Variants in FAT3 observed in about 807,000 individuals in gnomAD.
FAT3 encodes FAT atypical cadherin 3.
In FAT3, 95 loss-of-function variants were observed where a neutral mutation model predicts 310.2. The observed-to-expected ratio is 0.31, with a 90% CI of 0.26 to 0.36. FAT3 has a LOEUF of 0.36. Ranked by LOEUF, FAT3 falls within the 10% of genes least tolerant of loss-of-function variation. The pLI, the probability that FAT3 is intolerant of heterozygous loss-of-function variation, is 1.00. For missense variants in FAT3, 5,408 were observed against 5,715.6 expected (o/e 0.95, Z 1.74); for synonymous variants, 2,314 against 2,192.9 (o/e 1.06, Z -1.54).
chr11:92,467,372 T>A (rs1951791251), intron 2 of FAT3, among the ~76,000 whole-genome samples: 1 of 152,152 alleles, frequency 6.6e-6, no homozygotes, highest in African/African-American at 2.4e-5. Flanking sequence ...TGCATAAATA[T>A]CTTTTGACAT....
chr11:92,246,273 A>C lies in FAT3; in HGVS notation c.-18+21099A>C, dbSNP rs140291975. Among the ~76,000 whole-genome samples the C allele has an allele frequency of 4.2e-4, 64 of 152,240 alleles. No individual in the cohort carries two copies. In the East Asian group the frequency reaches 9.7e-3, roughly 23 times the overall value. On this transcript the variant is annotated intron_variant, in intron 1 of 27. Coordinates refer to ENST00000525166, the MANE Select transcript of FAT3 (RefSeq NM_001367949.2). ...AAGGTTTTTAAGAGGCTACGAGGAA[A>C]ACAAATATGCATGTAGGCAGAGAGG...
At chr11:92,324,396 T>G (rs542543281) in intron 1 of FAT3, among the ~76,000 whole-genome samples, 1 of 152,274 alleles carries the variant, frequency 6.6e-6, no homozygotes, top group African/African-American at 2.4e-5. Context: ...TAGAGGACAT[T>G]GTAGGGTTAT....
chr11:92,680,102 T>A (rs1943431673), intron 3 of FAT3, among the ~76,000 whole-genome samples: 1 of 151,860 alleles, frequency 6.6e-6, no homozygotes, highest in Non-Finnish European at 1.5e-5. Flanking sequence ...AATTTTTTAG[T>A]GTGATTAAGT....
chr11:92,527,759 T>C (rs951119528), intron 3 of FAT3, among the ~76,000 whole-genome samples: 1 of 151,988 alleles, frequency 6.6e-6, no homozygotes, highest in Non-Finnish European at 1.5e-5. Flanking sequence ...TTGTCTGAAA[T>C]AGTTACATCA....
Position 92,880,713 on chromosome 11 carries a change from G to A in FAT3, c.12128-18G>A, listed in dbSNP as rs1949654338. On this transcript the variant is annotated intron_variant, in intron 22 of 27. Coordinates refer to ENST00000525166, the MANE Select transcript of FAT3 (RefSeq NM_001367949.2). ...TAGCAGTGGCATCCATGGCTCATGA[G>A]GTCCTCTGTTTCCCCAGGCTATCAG... The A allele has an allele frequency of 1.2e-6, 2 of 1,608,866 alleles. No homozygotes were observed. The highest frequency in any genetic ancestry group is 1.7e-6 in the Non-Finnish European group (2 of 1,177,688).
At chr11:92,358,762 T>G (rs988781016) in intron 2 of FAT3, among the ~76,000 whole-genome samples, 7 of 152,138 alleles carry the variant, frequency 4.6e-5, no homozygotes, top group African/African-American at 1.7e-4. Flanking sequence ...TGCCACTGAA[T>G]TTTTACTACT....
chr11:92,692,766 T>C (rs1338353751), intron 3 of FAT3, among the ~76,000 whole-genome samples: 2 of 152,192 alleles, frequency 1.3e-5, no homozygotes, highest in African/African-American at 4.8e-5. Flanking sequence ...AAAGAATTAA[T>C]TGTCGCTCAC....
chr11:92,818,438 T>C (rs1355517011), intron 13 of FAT3, among the ~76,000 whole-genome samples: 4 of 152,304 alleles, frequency 2.6e-5, no homozygotes, highest in Admixed American at 2.6e-4. Context: ...GTGTCTTCCA[T>C]AGTGGAGGCA....
rs139846825 is a variant in FAT3 at position 92,318,200 on chromosome 11, T to A, written c.-17-33896T>A. Reference sequence around the variant, plus strand: ...GTAGCAGCCTTGATATCCTATCCCATAGAGACCTAGTGGTGAAGCAGGAAG... The same window carrying A: ...GTAGCAGCCTTGATATCCTATCCCAAAGAGACCTAGTGGTGAAGCAGGAAG... On this transcript the variant is annotated intron_variant, in intron 1 of 27. Coordinates refer to ENST00000525166, the MANE Select transcript of FAT3 (RefSeq NM_001367949.2). Among the ~76,000 whole-genome samples the A allele has an allele frequency of 7.9e-3, 1,199 of 152,152 alleles. 9 individuals are homozygous for A. Among genetic ancestry groups the A allele is most frequent in the Middle Eastern group, 0.024 (7 of 294 alleles).
At chr11:92,503,797 A>G (rs964867217) in intron 2 of FAT3, among the ~76,000 whole-genome samples, 11 of 152,152 alleles carry the variant, frequency 7.2e-5, no homozygotes, top group Non-Finnish European at 1.3e-4. Context: ...TTAAAAAATA[A>G]TGCACACTTG....
chr11:92,506,255 T>C lies in FAT3; in HGVS notation c.3293-18379T>C, dbSNP rs1941429. Among the ~76,000 whole-genome samples the C allele has an allele frequency of 7.3e-3, 1,113 of 152,292 alleles. 5 individuals carry two copies. Among genetic ancestry groups the C allele is most frequent in the Non-Finnish European group, 0.011 (767 of 68,022 alleles). On this transcript the variant is annotated intron_variant, in intron 2 of 27. Transcript: ENST00000525166. ...TTTCACTTCTGTTGAACTCAAACTC[T>C]AGATATGTGAAGAGAAGAAAGGTGG...
intron 3 of FAT3, among the ~76,000 whole-genome samples, chr11:92,646,154 A>G (rs1176947890): frequency 6.6e-6 from 1 of 152,178 alleles, no homozygotes; most frequent in Non-Finnish European, 1.5e-5. Flanking sequence ...GCATTGATGG[A>G]GGTCACTTGG....
At chr11:92,264,787 C>G (rs947378665) in intron 1 of FAT3, among the ~76,000 whole-genome samples, 1 of 152,106 alleles carries the variant, frequency 6.6e-6, no homozygotes, top group African/African-American at 2.4e-5. Flanking sequence ...CTTGGCCGTA[C>G]CTGGGCTTCA....
At chr11:92,827,394 A>G (rs1040594193) in intron 13 of FAT3, among the ~76,000 whole-genome samples, 3 of 152,182 alleles carry the variant, frequency 2.0e-5, no homozygotes, top group Non-Finnish European at 4.4e-5. Flanking sequence ...TTAACTTGGA[A>G]AGGAGTCATA....
intron 3 of FAT3, among the ~76,000 whole-genome samples, chr11:92,559,836 C>T (rs1339032208): frequency 1.3e-5 from 2 of 152,160 alleles, no homozygotes; most frequent in African/African-American, 2.4e-5. Context: ...TGTATGCATA[C>T]ATCACCTTTT....
At chr11:92,355,616 C>G (rs758002290) in intron 2 of FAT3, among the ~76,000 whole-genome samples, 42 of 152,040 alleles carry the variant, frequency 2.8e-4, no homozygotes, top group Non-Finnish European at 5.1e-4. Context: ...CAGTGGGAGT[C>G]CTGGTTTGTT....
At chr11:92,775,966 C>T (rs1458498174) in intron 7 of FAT3, among the ~76,000 whole-genome samples, 1 of 152,150 alleles carries the variant, frequency 6.6e-6, no homozygotes, top group East Asian at 1.9e-4. Flanking sequence ...TCCAAAAGCG[C>T]ACCCCCAAAG....
At chr11:92,552,962 A>G (rs1210913226) in intron 3 of FAT3, among the ~76,000 whole-genome samples, 1 of 57,210 alleles carries the variant, frequency 1.7e-5, no homozygotes, top group Non-Finnish European at 4.6e-5. Context: ...AAAAAAAAAT[A>G]AAAGAAAAGA....
intron 2 of FAT3, among the ~76,000 whole-genome samples, chr11:92,490,789 C>T (rs1952577600): frequency 6.6e-6 from 1 of 152,068 alleles, no homozygotes; most frequent in Non-Finnish European, 1.5e-5. Context: ...CACACATTAG[C>T]CTGTTCCCAG....
Sources: gnomAD v4.1 joint callset for allele counts (sites outside exome capture counted in the v4.1 genomes callset) on GRCh38, gnomAD v4.1.1 for gene constraint, MANE v1.5 for transcripts, NCBI Gene and HGNC (gene_info 2026-07-23, HGNC 2026-07-21) for gene names.